The following MUC5B variants were observed in gnomAD, a reference collection of about 807,000 sequenced individuals.
MUC5B encodes mucin-5B.
In MUC5B, 116 loss-of-function variants were observed where a neutral mutation model predicts 376.9. That is an observed-to-expected ratio of 0.31 (90% CI 0.26 to 0.36). MUC5B has a LOEUF of 0.36. MUC5B is among the 10% of genes least tolerant of loss of function. The pLI is 1.00. For synonymous variants in MUC5B, 3,517 were observed against 3,390.9 expected (o/e 1.04, Z -1.29); for missense variants, 7,165 against 7,769.9 (o/e 0.92, Z 2.93).
intron 1 of MUC5B, chr11:1,223,437 C>A: frequency 1.6e-6 from 1 of 634,158 alleles, no homozygotes; most frequent in South Asian, 1.6e-5. Context: ...CCCCTGACCG[C>A]AGGGCAAGGC....
intron 13 of MUC5B, 73 bp from the exon 14 acceptor site, chr11:1,231,350 A>T: frequency 6.7e-7 from 1 of 1,500,842 alleles, no homozygotes. Context: ...GGCCCACTGG[A>T]TGCCCTGCCC....
chr11:1,261,017 C>T (rs1341094624), intron 48 of MUC5B, among the ~76,000 whole-genome samples: 5 of 152,248 alleles, frequency 3.3e-5, no homozygotes, highest in Non-Finnish European at 4.4e-5. Flanking sequence ...GGAACCAGAG[C>T]CTTCTGTGAA....
At chr11:1,230,443 C>T in intron 11 of MUC5B, 47 bp from the exon 12 acceptor site, 1 of 1,502,094 alleles carries the variant, frequency 6.7e-7, no homozygotes, top group Non-Finnish European at 9.0e-7. Context: ...GGGGGCACCC[C>T]ACATCATCGA....
chr11:1,242,750 C>T lies in MUC5B; in HGVS notation c.5870C>T (p.Ser1957Phe), dbSNP rs200773011. Residue 1957 changes from serine to phenylalanine, a missense_variant, in exon 31 of 49, where the codon TCC becomes TTC. By Grantham distance (155) the Ser-to-Phe change is radical. Coordinates refer to ENST00000529681, the MANE Select transcript of MUC5B (RefSeq NM_002458.3). Reference protein sequence around the residue: ...TVTSSKATPSSSPGTATALPA... With the variant: ...TVTSSKATPSFSPGTATALPA... The stretch of plus-strand genomic sequence containing the variant: ...ACCAGCTCCAAAGCCACTCCCTCCT[C>T]CAGTCCAGGGACTGCAACCGCCCTT... 641 of 1,613,556 alleles carry T rather than the reference C, an allele frequency of 4.0e-4. 6 individuals are homozygous for T. The African/African-American group carries it at 7.7e-3, about 19-fold the overall frequency.
In MUC5B at chr11:1,250,070, C is replaced by T; in HGVS notation, c.13190C>T (p.Thr4397Ile). ...GTTWILTELT[T>I]AATTTAATGP... ...ACCTGGATCCTCACAGAGCTGACCA[C>T]AGCAGCCACTACAACTGCAGCCACT... Residue 4397 changes from threonine (T) to isoleucine (I), a missense_variant, in exon 31 of 49, where the codon ACA (threonine) becomes ATA (isoleucine). Coordinates refer to ENST00000529681, the MANE Select transcript of MUC5B (RefSeq NM_002458.3). The T allele has an allele frequency of 2.5e-6, 4 of 1,595,534 alleles. No individual in the cohort carries two copies. The highest frequency in any genetic ancestry group is 3.4e-6 in the Non-Finnish European group (4 of 1,169,912).
chr11:1,248,156 C>A lies in MUC5B; in HGVS notation c.11276C>A (p.Thr3759Lys). The A allele has an allele frequency of 6.3e-7, 1 of 1,593,556 alleles. No homozygotes were observed. Among genetic ancestry groups the A allele is most frequent in the Non-Finnish European group, 8.6e-7 (1 of 1,167,174 alleles). The change falls in exon 31 of 49, where the codon ACA becomes AAA. Residue 3759 changes from threonine to lysine, a missense_variant. Physicochemically the swap from Thr to Lys is moderately conservative, Grantham distance 78. Coordinates refer to ENST00000529681, the MANE Select transcript of MUC5B (RefSeq NM_002458.3). ...CCACATGTGAGCACCACGGCCACGA[C>A]ACCCACAGTCACCAGCTCCAAAGCC... is the stretch of plus-strand genomic sequence containing the variant. ...GTPHVSTTAT[T>K]PTVTSSKATP...
rs763790566 is a variant in MUC5B, at chr11:1,233,045, C to T, written c.2098C>T (p.Arg700Cys). 88 of 1,601,800 alleles carry T rather than the reference C, an allele frequency of 5.5e-5. No homozygotes were observed. The highest frequency in any genetic ancestry group is 7.2e-5 in the Non-Finnish European group (85 of 1,177,854). The part of the protein sequence containing the change: ...KYMQNCPKSQ[R>C]YAYVVDACQP... The stretch of plus-strand genomic sequence containing the variant: ...CATGCAGAACTGCCCCAAGTCCCAG[C>T]GCTACGCCTACGTGGTGGATGCCTG... The change falls in exon 18 of 49, where the codon CGC (arginine) becomes TGC (cysteine). Residue 700 changes from arginine (R) to cysteine (C), a missense_variant. Physicochemically the swap from Arg to Cys is radical, Grantham distance 180 (BLOSUM62 -3). This residue lies in a region of MUC5B where 530 missense variants were observed against 604.0 expected (regional missense o/e 0.88). Coordinates refer to ENST00000529681, the MANE Select transcript of MUC5B (RefSeq NM_002458.3).
chr11:1,249,442 G>A lies in MUC5B; in HGVS notation c.12562G>A (p.Gly4188Ser). 1.2e-6 allele frequency: 2 copies of A among 1,611,446 alleles called. No homozygotes were observed. The highest frequency in any genetic ancestry group is 1.1e-5 in the South Asian group (1 of 90,990). ...AQPGVPLGEL[G>S]QVVECSLDFG... The stretch of plus-strand genomic sequence containing the variant: ...GCCTGGTGTCCCCCTGGGGGAGTTG[G>A]GCCAGGTCGTGGAATGCAGCCTGGA... The change falls in exon 31 of 49, where the codon GGC (glycine) becomes AGC (serine). Residue 4188 changes from glycine to serine, a missense_variant. Gly to Ser is a moderately conservative substitution (Grantham distance 56, BLOSUM62 0). Coordinates refer to ENST00000529681, the MANE Select transcript of MUC5B (RefSeq NM_002458.3).
chr11:1,227,237 G>T, intron 5 of MUC5B, 71 bp from the exon 6 acceptor site: 2 of 1,566,902 alleles, frequency 1.3e-6, no homozygotes, highest in Non-Finnish European at 1.7e-6. Flanking sequence ...TTGGGGTCAC[G>T]GGGCTTGGGG....
intron 26 of MUC5B, 62 bp from the exon 27 acceptor site, chr11:1,239,376 C>CTTTTT (rs1862227227): frequency 6.4e-7 from 1 of 1,551,712 alleles, no homozygotes; most frequent in Non-Finnish European, 8.7e-7. Flanking sequence ...GTAGGGGCTG[C>CTTTTT]CCTGCACAAC....
intron 3 of MUC5B, 141 bp from the exon 4 acceptor site, chr11:1,226,474 A>G: frequency 1.5e-6 from 2 of 1,323,840 alleles, no homozygotes; most frequent in Non-Finnish European, 2.1e-6. Flanking sequence ...AAACAGACGC[A>G]GTCCAGGGTG....
Position 1,248,725 on chromosome 11 carries a change from A to C in MUC5B, c.11845A>C (p.Thr3949Pro), listed in dbSNP as rs1590185734. 6.4e-7 allele frequency: 1 copy of C among 1,564,976 alleles called. No individual in the cohort carries two copies. Among genetic ancestry groups the C allele is most frequent in the Non-Finnish European group, 8.7e-7 (1 of 1,155,372 alleles). Residue 3949 changes from threonine (T) to proline (P), a missense_variant, in exon 31 of 49, where the codon ACC becomes CCC. Thr to Pro is a conservative substitution (Grantham distance 38). This residue lies in a region of MUC5B where 242 missense variants were observed against 199.0 expected (regional missense o/e 1.22). Coordinates refer to ENST00000529681, the MANE Select transcript of MUC5B (RefSeq NM_002458.3). Reference sequence around the variant, plus strand: ...CAGTGGTACTCCCCCATCACTGATCACCACGGCCACTACGATCACGGCCAC... The same window carrying C: ...CAGTGGTACTCCCCCATCACTGATCCCCACGGCCACTACGATCACGGCCAC... ...QTSGTPPSLI[T>P]TATTITATGS...
In MUC5B at chr11:1,247,068, G is replaced by A. The variant is rs542871485; in HGVS notation, c.10188G>A (p.Thr3396=). The A allele has an allele frequency of 1.8e-5, 28 of 1,560,452 alleles. No individual in the cohort carries two copies. The highest frequency in any genetic ancestry group is 1.3e-4 in the South Asian group (11 of 86,022). Residue 3396 remains threonine, a synonymous_variant, in exon 31 of 49, where the codon ACG becomes ACA. Coordinates refer to ENST00000529681, the MANE Select transcript of MUC5B (RefSeq NM_002458.3). ...CATCACTGACCACCACGGCCACTAC[G>A]ATCACAGCCACCGGCTCCACCACCA... is the stretch of plus-strand genomic sequence containing the variant. ...TPPSLTTTAT[T]ITATGSTTNP...
chr11:1,230,659 G>T, intron 12 of MUC5B, 59 bp downstream of exon 12: 2 of 1,471,912 alleles, frequency 1.4e-6, no homozygotes, highest in Non-Finnish European at 9.2e-7. Flanking sequence ...AGGTGTGTGG[G>T]GAGCAAGCAC....
chr11:1,243,785 C>T lies in MUC5B; in HGVS notation c.6905C>T (p.Thr2302Ile). ...RTSTLLPSSP[T>I]SAPITTVVTM... ...TCGACCCTGCTGCCCAGCAGCCCCA[C>T]ATCGGCCCCCATAACCACGGTGGTG... The change falls in exon 31 of 49, where the codon ACA becomes ATA. Residue 2302 changes from threonine to isoleucine, a missense_variant. This residue lies in a region of MUC5B where 26 missense variants were observed against 36.2 expected (regional missense o/e 0.72). Transcript: ENST00000529681. 4.3e-6 allele frequency: 7 copies of T among 1,611,744 alleles called. No individual in the cohort carries two copies. The highest frequency in any genetic ancestry group is 4.5e-5 in the East Asian group (2 of 44,870).
Position 1,240,864 on chromosome 11 carries a change from G to C in MUC5B, c.3984G>C (p.Pro1328=), listed in dbSNP as rs1046246907. ...VPHSTTSPAL[P]VSTVCVREVC... ...TGCCCCTTGCAGGCCCGGCCCTCCC[G>C]GTCTCCACCGTGTGTGTCCGCGAGG... is the stretch of plus-strand genomic sequence containing the variant. The change falls in exon 31 of 49, where the codon CCG becomes CCC. Residue 1328 remains proline (P), a synonymous_variant. Coordinates refer to ENST00000529681, the MANE Select transcript of MUC5B (RefSeq NM_002458.3). 2 of 1,609,564 alleles carry C rather than the reference G, an allele frequency of 1.2e-6. No homozygotes were observed. Among genetic ancestry groups the C allele is most frequent in the Admixed American group, 1.7e-5 (1 of 59,838 alleles).
At chr11:1,240,126 C>G in intron 29 of MUC5B, 38 bp downstream of exon 29, 2 of 1,566,304 alleles carry the variant, frequency 1.3e-6, no homozygotes, top group Non-Finnish European at 1.7e-6. Context: ...CCGGTGAAGG[C>G]TGGGGCCAGG....
In MUC5B at chr11:1,246,742, A is replaced by G. The variant is rs75101148; in HGVS notation, c.9862A>G (p.Arg3288Gly). 0.023 allele frequency: 35,028 copies of G among 1,555,646 alleles called. 2,288 individuals carry two copies. Among genetic ancestry groups the G allele is most frequent in the Middle Eastern group, 0.054 (314 of 5,766 alleles). Residue 3288 changes from arginine to glycine, a missense_variant, in exon 31 of 49, where the codon AGG becomes GGG. By Grantham distance (125) the Arg-to-Gly change is moderately radical. Around this residue, in one of 31 missense-constraint regions of MUC5B, gnomAD observed 939 missense variants for 770.6 expected, o/e 1.22. Coordinates refer to ENST00000529681, the MANE Select transcript of MUC5B (RefSeq NM_002458.3). ...TVLTTTTTTT[R>G]ATGSVATPSS... is the part of the protein sequence containing the mutation. ...GCTTACCACCACGACCACCACAACC[A>G]GGGCCACCGGCTCTGTGGCCACCCC...
At chr11:1,259,621 T>G in intron 44 of MUC5B, 135 bp from the exon 45 acceptor site, 1 of 829,382 alleles carries the variant, frequency 1.2e-6, no homozygotes, top group Non-Finnish European at 1.9e-6. Flanking sequence ...TGGGGGCAAC[T>G]TCTTCGGGTA....
Sources: gnomAD v4.1 joint callset for allele counts (sites outside exome capture counted in the v4.1 genomes callset) on GRCh38, gnomAD v4.1.1 for gene constraint, gnomAD v4.1.1 regional missense constraint, MANE v1.5 for transcripts, NCBI Gene and HGNC (gene_info 2026-07-23, HGNC 2026-07-21) for gene names.